Variants in C16orf96 observed in about 807,000 individuals in gnomAD.
C16orf96 encodes the protein chromosome 16 open reading frame 96.
In C16orf96, 108 loss-of-function variants were observed where a neutral mutation model predicts 103.6. The observed-to-expected ratio is 1.04, with a 90% CI of 0.89 to 1.22. The LOEUF is 1.22. C16orf96 is among the 50% of genes most tolerant of loss of function. The probability of loss-of-function intolerance (pLI) is 0.00; values close to 1 mark genes in which losing one functional copy is unlikely to be tolerated. For synonymous variants in C16orf96, 566 were observed against 593.5 expected, an observed-to-expected ratio of 0.95 and a Z score of 0.67; for missense variants, 1,586 against 1,464.2, an observed-to-expected ratio of 1.08 and a Z score of -1.36.
chr16:4,595,936 C>T (rs1199060884), intron 14 of C16orf96, among the ~76,000 whole-genome samples: 1 of 152,002 alleles, frequency 6.6e-6, no homozygotes, highest in Non-Finnish European at 1.5e-5. Context: ...ATCCACCTGC[C>T]TCAGCCTCCC....
chr16:4,567,314 C>T lies in C16orf96; in HGVS notation c.421-4247C>T, dbSNP rs2059392771. Among the ~76,000 whole-genome samples, 6 of 118,150 alleles carry T rather than the reference C, an allele frequency of 5.1e-5. No individual in the cohort carries two copies. In the South Asian group the frequency reaches 1.4e-3, roughly 27 times the overall value. 77.5% of individuals were successfully genotyped at this position (118,150 alleles called of 152,430 possible). A position where few individuals can be genotyped will look rare whatever the true frequency, so the allele number is the denominator to read the frequency against. On this transcript the variant is annotated intron_variant, in intron 1 of 15. Coordinates refer to ENST00000444310, the MANE Select transcript of C16orf96 (RefSeq NM_001145011.2). Reference sequence around the variant, plus strand: ...TTTTTTTTTTTTTGAGATGGAGTCTCGCTCTGTCACCCAGGCTGGAGTGCA... The same window carrying T: ...TTTTTTTTTTTTTGAGATGGAGTCTTGCTCTGTCACCCAGGCTGGAGTGCA...
At position 4,600,609 on chromosome 16, in the gene C16orf96, G is replaced by T. The variant is rs1897264188; in HGVS notation, c.*292G>T. 3 of 433,546 alleles carry T rather than the reference G, an allele frequency of 6.9e-6. No individual in the cohort carries two copies. Among genetic ancestry groups the T allele is most frequent in the South Asian group, 6.5e-5 (3 of 46,124 alleles). The allele number at this position is 433,546 out of a possible 1,614,324, so 26.9% of individuals were successfully genotyped here. A position where few individuals can be genotyped will look rare whatever the true frequency, so the allele number is the denominator to read the frequency against. ...AGGGCCCTGAGCCTGGCCCAGAAAG[G>T]GTGCTGGGGCCCTGGATAGAGGGGA... On this transcript the variant is annotated 3_prime_UTR_variant, in exon 16 of 16. Coordinates refer to ENST00000444310, the MANE Select transcript of C16orf96 (RefSeq NM_001145011.2).
chr16:4,578,441 T>TA (rs113963316), intron 5 of C16orf96, among the ~76,000 whole-genome samples: 26 of 151,742 alleles, frequency 1.7e-4, no homozygotes, highest in South Asian at 4.2e-4. Context: ...CTGCACCTGA[T>TA]AAAAAAAATT....
At chr16:4,547,138 T>C in the C16orf96 span, among the ~76,000 whole-genome samples, 4 of 152,270 alleles carry the variant, frequency 2.6e-5, no homozygotes, top group Middle Eastern at 3.4e-3. Context: ...AGACCACTTA[T>C]TGTTTTTCTC....
chr16:4,563,678 C>T (rs1305316015), intron 1 of C16orf96, among the ~76,000 whole-genome samples: 1 of 152,072 alleles, frequency 6.6e-6, no homozygotes, highest in Non-Finnish European at 1.5e-5. Flanking sequence ...AAGCGATTCT[C>T]CTGCTTCAGC....
At chr16:4,583,416 GAATCA>G (rs1896840318) in intron 7 of C16orf96, among the ~76,000 whole-genome samples, 1 of 152,114 alleles carries the variant, frequency 6.6e-6, no homozygotes, top group South Asian at 2.1e-4. Flanking sequence ...TGAGGCAGGA[GAATCA>G]CTTGAACCCA....
chr16:4,587,021 C>T lies in C16orf96; in HGVS notation c.2353-18C>T, dbSNP rs957551985. On this transcript the variant is annotated intron_variant, in intron 7 of 15. Coordinates refer to ENST00000444310, the MANE Select transcript of C16orf96 (RefSeq NM_001145011.2). ...AGGCTCTCCAGGATGGCAGACATGCCTGTGCTTCTGTTCTTAGACTCTCCA... is the reference window on the plus strand; with the variant it reads ...AGGCTCTCCAGGATGGCAGACATGCTTGTGCTTCTGTTCTTAGACTCTCCA... 2.6e-6 allele frequency: 4 copies of T among 1,550,190 alleles called. No individual in the cohort carries two copies. The Admixed American group carries it at 7.8e-5, about 30-fold the overall frequency.
intron 15 of C16orf96, 112 bp from the exon 16 acceptor site, chr16:4,599,988 A>G (rs1897249667): frequency 1.8e-6 from 2 of 1,111,068 alleles, no homozygotes; most frequent in Non-Finnish European, 2.6e-6. Context: ...TGGCCTGTAC[A>G]GCACTTCTAG....
chr16:4,594,732 G>T lies in C16orf96; in HGVS notation c.3056G>T (p.Gly1019Val). 6.4e-7 allele frequency: 1 copy of T among 1,551,324 alleles called. No homozygotes were observed. Among genetic ancestry groups the T allele is most frequent in the Non-Finnish European group, 8.7e-7 (1 of 1,146,944 alleles). Residue 1019 changes from glycine (G) to valine (V), a missense_variant, in exon 14 of 16, where the codon GGG becomes GTG. Coordinates refer to ENST00000444310, the MANE Select transcript of C16orf96 (RefSeq NM_001145011.2). ...SAEVDILGVD[G>V]ILYKGRVNSQ... Reference sequence around the variant, plus strand: ...GAGGTGGACATCCTGGGCGTGGATGGGATCCTGTACAAAGGCCGCGTGAAC... The same window carrying T: ...GAGGTGGACATCCTGGGCGTGGATGTGATCCTGTACAAAGGCCGCGTGAAC...
At chr16:4,562,474 A>G (rs1042644808) in intron 1 of C16orf96, among the ~76,000 whole-genome samples, 1 of 151,546 alleles carries the variant, frequency 6.6e-6, no homozygotes, top group African/African-American at 2.4e-5. Flanking sequence ...AAAAAAAAAA[A>G]AGAGAAAAGC....
intron 13 of C16orf96, 83 bp downstream of exon 13, chr16:4,594,593 G>A: frequency 6.5e-7 from 1 of 1,538,210 alleles, no homozygotes; most frequent in Non-Finnish European, 8.8e-7. Context: ...ACTGAGCAGT[G>A]GGCAACCCCA....
At position 4,600,513 on chromosome 16, in the gene C16orf96, C is replaced by T; in HGVS notation, c.*196C>T. ...CGCCCCCCCCCATCCCTACCAAGTC[C>T]CCTCCACGTCCGAGGCTGAGACCCA... is the stretch of plus-strand genomic sequence containing the variant. On this transcript the variant is annotated 3_prime_UTR_variant, in exon 16 of 16. Transcript: ENST00000444310. 1.3e-5 allele frequency: 6 copies of T among 476,378 alleles called. No individual in the cohort carries two copies. The highest frequency in any genetic ancestry group is 2.3e-5 in the Non-Finnish European group (6 of 263,096). The allele number at this position is 476,378 out of a possible 1,614,324, so 29.5% of individuals were successfully genotyped here.
At position 4,576,140 on chromosome 16, in the gene C16orf96, C is replaced by T; in HGVS notation, c.1660C>T (p.Pro554Ser). The T allele has an allele frequency of 6.4e-7, 1 of 1,551,442 alleles. No homozygotes were observed. Reference protein sequence around the residue: ...GKDGAPKEAQPKAPQSALHRL... With the variant: ...GKDGAPKEAQSKAPQSALHRL... The stretch of plus-strand genomic sequence containing the variant: ...GGATGGGGCCCCCAAGGAAGCACAG[C>T]CTAAGGCTCCCCAGTCTGCCCTTCA... The change falls in exon 5 of 16, where the codon CCT (proline) becomes TCT (serine). Residue 554 changes from proline to serine, a missense_variant. Physicochemically the swap from Pro to Ser is moderately conservative, Grantham distance 74. Coordinates refer to ENST00000444310, the MANE Select transcript of C16orf96 (RefSeq NM_001145011.2).
intron 7 of C16orf96, among the ~76,000 whole-genome samples, chr16:4,581,816 C>T (rs957443428): frequency 6.6e-6 from 1 of 151,892 alleles, no homozygotes; most frequent in East Asian, 1.9e-4. Flanking sequence ...ATTAGCCAAG[C>T]GTGGTAGCAC....
the C16orf96 span, among the ~76,000 whole-genome samples, chr16:4,541,669 CTGGTGTTTAAAA>C: frequency 8.5e-5 from 13 of 152,104 alleles, no homozygotes; most frequent in African/African-American, 3.1e-4. Flanking sequence ...ATTGGTGATT[CTGGTGTTTAAAA>C]TGGCCCTTAG....
intron 14 of C16orf96, among the ~76,000 whole-genome samples, chr16:4,597,911 C>T (rs1185222742): frequency 5.9e-5 from 9 of 152,124 alleles, no homozygotes; most frequent in Admixed American, 5.9e-4. Flanking sequence ...GGATTTATAG[C>T]ATCTTAAAGC....
chr16:4,567,282 T>A (rs1395732596), intron 1 of C16orf96, among the ~76,000 whole-genome samples: 1 of 2,578 alleles, frequency 3.9e-4, no homozygotes, highest in African/African-American at 4.5e-4. Flanking sequence ...TTTCTTTTCT[T>A]TTTTTTTTTT....
At chr16:4,585,442 G>A (rs992372907) in intron 7 of C16orf96, among the ~76,000 whole-genome samples, 1 of 152,118 alleles carries the variant, frequency 6.6e-6, no homozygotes, top group Non-Finnish European at 1.5e-5. Flanking sequence ...GAGTGACAGA[G>A]CAAGAGCCTG....
chr16:4,545,989 A>G, the C16orf96 span, among the ~76,000 whole-genome samples: 1 of 151,826 alleles, frequency 6.6e-6, no homozygotes, highest in Non-Finnish European at 1.5e-5. Context: ...AGCTGGGACT[A>G]CAGGTGCACA....
Sources: gnomAD v4.1 joint callset for allele counts (sites outside exome capture counted in the v4.1 genomes callset) on GRCh38, gnomAD v4.1.1 for gene constraint, MANE v1.5 for transcripts, NCBI Gene and HGNC (gene_info 2026-07-23, HGNC 2026-07-21) for gene names.